LPIN1: variants seen among roughly 807,000 people sequenced by gnomAD.
LPIN1 encodes the protein phosphatidate phosphatase LPIN1.
LPIN1 carries 71 observed loss-of-function variants against 107.5 expected under a neutral mutation model. That is an observed-to-expected ratio of 0.66 (90% CI 0.55 to 0.80). The LOEUF (loss-of-function observed/expected upper bound fraction) is 0.80, where lower values mean the gene tolerates loss of function less well. LPIN1 is among the 30% of genes least tolerant of loss of function. LPIN1 has a pLI of 0.00. For missense variants in LPIN1, 1,043 were observed against 1,160.6 expected (o/e 0.90, Z 1.47); for synonymous variants, 445 against 452.6 (o/e 0.98, Z 0.21).
rs34156190 is a variant in LPIN1, at chr2:11,752,433, A to ATTTTTTTTTTTTTTTTTTTTTTTTT, written c.-10+5778_-10+5779insTTTTTTTTTTTTTTTTTTTTTTTTT. ...TTTTCTTTTGAGCTGTTCCAAGGCC[A>ATTTTTTTTTTTTTTTTTTTTTTTTT]TTTTTTTTTTTTTTTTGAGACGGAG... is the stretch of plus-strand genomic sequence containing the variant. On this transcript the variant is annotated intron_variant, in intron 1 of 20. Coordinates refer to ENST00000674199, the MANE Select transcript of LPIN1 (RefSeq NM_001349206.2). Among the ~76,000 whole-genome samples the ATTTTTTTTTTTTTTTTTTTTTTTTT allele has an allele frequency of 9.6e-5, 10 of 103,868 alleles. 3 individuals carry two copies. The highest frequency in any genetic ancestry group is 5.1e-4 in the African/African-American group (9 of 17,700). 68.1% of individuals were successfully genotyped at this position (103,868 alleles called of 152,430 possible).
Position 11,765,494 on chromosome 2 carries a change from T to C in LPIN1, c.-9-39T>C, listed in dbSNP as rs1489319962. 6.4e-7 allele frequency: 1 copy of C among 1,562,948 alleles called. No homozygotes were observed. The highest frequency in any genetic ancestry group is 8.7e-7 in the Non-Finnish European group (1 of 1,148,672). On this transcript the variant is annotated intron_variant, in intron 1 of 20. Transcript: ENST00000674199. The surrounding 1 kb of genome is among the most constrained non-coding windows in gnomAD (Gnocchi z 4.4). ...TTTGATTGGCTCTTCCTTGGATTAA[T>C]TGTGTGTCTGTGTGTGTTTTTTTTT...
At chr2:11,788,363 A>G (rs1165179576) in intron 11 of LPIN1, 24 bp from the exon 12 acceptor site, 5 of 1,584,894 alleles carry the variant, frequency 3.2e-6, no homozygotes, top group Non-Finnish European at 3.5e-6. Flanking sequence ...GTTTTTTGAC[A>G]TATATTTCAT....
At chr2:11,724,374 G>C (rs1664387673) in exon 1 of LPIN1, 1 of 986,314 alleles carries the variant, frequency 1.0e-6, no homozygotes, top group Non-Finnish European at 1.2e-6. Flanking sequence ...AGGGAGAGAG[G>C]ATGGGAGGCG....
At chr2:11,699,269 G>C (rs1662743006) in intron 1 of LPIN1, among the ~76,000 whole-genome samples, 1 of 152,160 alleles carries the variant, frequency 6.6e-6, no homozygotes, top group Admixed American at 6.5e-5. Flanking sequence ...GTTTGTACTT[G>C]TTAAAATAAA....
chr2:11,713,641 T>C, intron 1 of LPIN1: 1 of 620,190 alleles, frequency 1.6e-6, no homozygotes, highest in Non-Finnish European at 2.8e-6. Flanking sequence ...ATTCACCATG[T>C]TCAAAATGTA....
At chr2:11,698,318 C>T (rs1230022577) in intron 1 of LPIN1, among the ~76,000 whole-genome samples, 1 of 152,196 alleles carries the variant, frequency 6.6e-6, no homozygotes, top group Non-Finnish European at 1.5e-5. Flanking sequence ...ACTGGATGTA[C>T]TTGAAGTCAA....
At chr2:11,755,302 C>G (rs957432641) in intron 1 of LPIN1, among the ~76,000 whole-genome samples, 5 of 152,120 alleles carry the variant, frequency 3.3e-5, no homozygotes, top group African/African-American at 9.7e-5. Context: ...TGCTTTTCCC[C>G]CTCGTGCCCC....
intron 11 of LPIN1, among the ~76,000 whole-genome samples, chr2:11,788,029 C>T (rs1674964975): frequency 6.6e-6 from 1 of 152,158 alleles, no homozygotes. Context: ...AGCTTTTCTC[C>T]CTTAAGCCAT....
At chr2:11,789,537 C>T (rs902975410) in intron 12 of LPIN1, among the ~76,000 whole-genome samples, 44 of 140,774 alleles carry the variant, frequency 3.1e-4, no homozygotes, top group Non-Finnish European at 1.3e-4. Flanking sequence ...CACATGTGTG[C>T]GTGCATGTGT....
chr2:11,792,147 A>T (rs577140620), intron 13 of LPIN1, 141 bp downstream of exon 13: 9 of 744,934 alleles, frequency 1.2e-5, no homozygotes, highest in Non-Finnish European at 1.8e-5. Context: ...GCCATGAAGT[A>T]GGGCGAGTGC....
At chr2:11,812,787 C>T (rs16857890) in intron 17 of LPIN1, among the ~76,000 whole-genome samples, 3,419 of 152,188 alleles carry the variant, frequency 0.022, 145 homozygotes, top group African/African-American at 0.079. Flanking sequence ...GAGTGGGCTA[C>T]GCTTTACATT....
intron 4 of LPIN1, among the ~76,000 whole-genome samples, chr2:11,773,346 A>T (rs1022589770): frequency 2.6e-5 from 4 of 152,102 alleles, no homozygotes; most frequent in African/African-American, 9.7e-5. Flanking sequence ...CGATGGGAGG[A>T]TCCAGCAGTG....
chr2:11,779,670 C>T (rs1295924518), intron 7 of LPIN1, 25 bp downstream of exon 7: 6 of 1,613,068 alleles, frequency 3.7e-6, no homozygotes, highest in Admixed American at 3.3e-5. Flanking sequence ...AATTCTGCCA[C>T]GGACCGAAGA....
At chr2:11,811,142 C>T (rs1424125995) in intron 17 of LPIN1, among the ~76,000 whole-genome samples, 1 of 152,188 alleles carries the variant, frequency 6.6e-6, no homozygotes, top group Admixed American at 6.5e-5. Context: ...CAGGGCTGTG[C>T]CATGCCCTGT....
Position 11,820,470 on chromosome 2 carries a change from T to A in LPIN1, c.2577T>A (p.Pro859=). The change falls in exon 20 of 21, where the codon CCT becomes CCA. Residue 859 remains proline, a synonymous_variant. Transcript: ENST00000674199. ...VSLNRIFTVN[P]KGELVQEHAK... ...TGAATAGAATATTTACCGTCAACCC[T>A]AAAGGAGAGCTGGTACAGGAACATG... is the stretch of plus-strand genomic sequence containing the variant. The A allele has an allele frequency of 6.2e-7, 1 of 1,613,770 alleles. No homozygotes were observed. The highest frequency in any genetic ancestry group is 8.5e-7 in the Non-Finnish European group (1 of 1,179,636).
chr2:11,759,471 A>G (rs1669279203), intron 1 of LPIN1, among the ~76,000 whole-genome samples: 2 of 152,204 alleles, frequency 1.3e-5, no homozygotes, highest in African/African-American at 4.8e-5. Flanking sequence ...TGGACACAGC[A>G]CATGTTTCAT....
At chr2:11,781,120 ATGAG>A (rs1008548689) in intron 7 of LPIN1, among the ~76,000 whole-genome samples, 8 of 152,210 alleles carry the variant, frequency 5.3e-5, no homozygotes, top group East Asian at 1.9e-4. Context: ...ATATGAATGA[ATGAG>A]TGAGTGAGTG....
intron 20 of LPIN1, among the ~76,000 whole-genome samples, chr2:11,821,799 C>A (rs1303646346): frequency 6.6e-6 from 1 of 152,174 alleles, no homozygotes; most frequent in Non-Finnish European, 1.5e-5. Context: ...TCTCACCCTG[C>A]AGTCATGCCA....
chr2:11,750,149 A>G (rs1667577030), intron 1 of LPIN1, among the ~76,000 whole-genome samples: 2 of 149,272 alleles, frequency 1.3e-5, no homozygotes, highest in African/African-American at 5.0e-5. Flanking sequence ...TCCCCTAGCC[A>G]CACACACTCA....
Sources: gnomAD v4.1 joint callset for allele counts (sites outside exome capture counted in the v4.1 genomes callset) on GRCh38, gnomAD v4.1.1 for gene constraint, Gnocchi (gnomAD v3.1) non-coding constraint, MANE v1.5 for transcripts, NCBI Gene and HGNC (gene_info 2026-07-23, HGNC 2026-07-21) for gene names.